The following ABCA9 variants were observed in gnomAD, a reference collection of about 807,000 sequenced individuals.
ABCA9 encodes ATP binding cassette subfamily A member 9.
A neutral mutation model predicts 205.3 loss-of-function variants in ABCA9; 183 were observed. The observed-to-expected ratio is 0.89, with a 90% CI of 0.79 to 1.01. ABCA9 has a LOEUF of 1.01. Ranked by LOEUF, ABCA9 falls within the 50% of genes least tolerant of loss-of-function variation. The pLI is 0.00. For missense variants in ABCA9, 1,805 were observed against 1,912.4 expected, an observed-to-expected ratio of 0.94 and a Z score of 1.05; for synonymous variants, 651 against 683.3, an observed-to-expected ratio of 0.95 and a Z score of 0.74.
chr17:69,027,761 A>T lies in ABCA9; in HGVS notation c.1670T>A (p.Ile557Asn). ...TLSRMADIEN[I>N]SKFTGFCPQS... ...TGGACAAAATCCAGTGAACTTGCTGATATTTTCTATATCAGCCATTCTTGA... is the reference window on the plus strand; with the variant it reads ...TGGACAAAATCCAGTGAACTTGCTGTTATTTTCTATATCAGCCATTCTTGA... The change falls in exon 13 of 39, where the codon ATC becomes AAC. Residue 557 changes from isoleucine to asparagine, a missense_variant. Transcript: ENST00000340001. 1.2e-6 allele frequency: 2 copies of T among 1,612,888 alleles called. No individual in the cohort carries two copies. The highest frequency in any genetic ancestry group is 1.1e-5 in the South Asian group (1 of 91,004).
At chr17:69,063,158 T>G (rs1297820569), upstream of ABCA9, among the ~76,000 whole-genome samples, 1 of 132,928 alleles carries the variant, frequency 7.5e-6, no homozygotes, top group Non-Finnish European at 1.8e-5. Flanking sequence ...ACAAATGCTA[T>G]GCTGTCTCAT....
chr17:69,066,529 C>T, the ABCA9 span, among the ~76,000 whole-genome samples: 18 of 150,622 alleles, frequency 1.2e-4, no homozygotes, highest in South Asian at 4.2e-4. Flanking sequence ...ACGCTGAACA[C>T]GCAGGAGAAA....
intron 25 of ABCA9, among the ~76,000 whole-genome samples, chr17:69,000,042 G>A (rs1378758568): frequency 1.3e-5 from 2 of 151,974 alleles, no homozygotes; most frequent in African/African-American, 4.8e-5. Context: ...TGTCAGATGA[G>A]TAGGTTGCGA....
chr17:69,045,390 C>T, intron 3 of ABCA9, 54 bp from the exon 4 acceptor site: 1 of 1,532,636 alleles, frequency 6.5e-7, no homozygotes, highest in Admixed American at 1.9e-5. Flanking sequence ...CTCTACCTGG[C>T]CATATTCAAT....
At chr17:68,985,757 G>C (rs1216919034) in intron 32 of ABCA9, among the ~76,000 whole-genome samples, 1 of 152,070 alleles carries the variant, frequency 6.6e-6, no homozygotes, top group Non-Finnish European at 1.5e-5. Context: ...GGTCTTGAAA[G>C]ACCAGCCTGG....
chr17:69,016,462 A>C, intron 21 of ABCA9, 72 bp from the exon 22 acceptor site: 1 of 1,361,058 alleles, frequency 7.3e-7, no homozygotes, highest in African/African-American at 1.5e-5. Context: ...AACATGTTAG[A>C]AAATCATTCA....
chr17:69,037,529 C>T (rs138490105), intron 6 of ABCA9, among the ~76,000 whole-genome samples: 2 of 152,094 alleles, frequency 1.3e-5, no homozygotes, highest in African/African-American at 4.8e-5. Context: ...AGAACAAAGA[C>T]ACAACATACC....
In ABCA9 at chr17:69,026,376, CCTTAAATGGTAGCCTATG is replaced by C; in HGVS notation, c.2124_2141del (p.Ile709_Ser714del). On this transcript the variant is annotated inframe_deletion and splice_region_variant, in exon 16 of 39. Transcript: ENST00000340001. ...CACGTCTCCAACATTCAGGGCTGTA[CCTTAAATGGTAGCCTATG>C]CCCCATTTCTTCTTAAGGAACAGAG... 6.2e-7 allele frequency: 1 copy of C among 1,612,356 alleles called. No homozygotes were observed. Among genetic ancestry groups the C allele is most frequent in the South Asian group, 1.1e-5 (1 of 90,986 alleles).
chr17:69,054,819 G>A (rs1490054753), intron 1 of ABCA9, among the ~76,000 whole-genome samples: 1 of 151,812 alleles, frequency 6.6e-6, no homozygotes, highest in Non-Finnish European at 1.5e-5. Context: ...GGAGGAATTG[G>A]GGTTATTTTG....
At position 69,012,079 on chromosome 17, in the gene ABCA9, T is replaced by C. The variant is rs2070400232; in HGVS notation, c.3044A>G (p.His1015Arg). 3 of 1,608,114 alleles carry C rather than the reference T, an allele frequency of 1.9e-6. No individual in the cohort carries two copies. The highest frequency in any genetic ancestry group is 2.7e-5 in the African/African-American group (2 of 74,678). ...TCGGTACCCATACTCATAATCCATA[T>C]GCTCCTGAAATCATGTGGAACATGG... is the stretch of plus-strand genomic sequence containing the variant. ...QTDRSTFFEE[H>R]MDYEYGYRSN... is the part of the protein sequence containing the mutation. Residue 1015 changes from histidine (H) to arginine (R), a missense_variant, in exon 23 of 39, where the codon CAT (histidine) becomes CGT (arginine). His to Arg is a conservative substitution (Grantham distance 29). Transcript: ENST00000340001.
Position 69,033,770 on chromosome 17 carries a change from A to G in ABCA9, c.1232T>C (p.Leu411Pro). Residue 411 changes from leucine (L) to proline (P), a missense_variant, in exon 9 of 39, where the codon CTT becomes CCT. By Grantham distance (98) the Leu-to-Pro change is moderately conservative (BLOSUM62 -3). Coordinates refer to ENST00000340001, the MANE Select transcript of ABCA9 (RefSeq NM_080283.4). The stretch of plus-strand genomic sequence containing the variant: ...ATATAATGTCAATACCAAATACAGA[A>G]GGGTGTCAAAAACCAACATGAAAAG... ...ATLFMLVFDT[L>P]LYLVLTLYFD... 1 of 1,612,630 alleles carries G rather than the reference A, an allele frequency of 6.2e-7. No individual in the cohort carries two copies. Among genetic ancestry groups the G allele is most frequent in the Non-Finnish European group, 8.5e-7 (1 of 1,179,126 alleles).
intron 13 of ABCA9, 70 bp downstream of exon 13, chr17:69,027,570 C>A (rs1567955565): frequency 1.3e-6 from 2 of 1,576,044 alleles, no homozygotes; most frequent in Admixed American, 1.9e-5. Context: ...TTATGTATAA[C>A]TTAGCACAAT....
intron 28 of ABCA9, among the ~76,000 whole-genome samples, chr17:68,991,263 C>G (rs1210803667): frequency 2.0e-5 from 3 of 152,212 alleles, no homozygotes; most frequent in African/African-American, 7.2e-5. Flanking sequence ...AGCAGAGTTG[C>G]ATGAGGAAAG....
intron 11 of ABCA9, 92 bp from the exon 12 acceptor site, chr17:69,028,737 T>C (rs1567956773): frequency 3.2e-6 from 2 of 621,098 alleles, no homozygotes; most frequent in Non-Finnish European, 5.3e-6. Flanking sequence ...CATGAATAGA[T>C]TGAGCTAGCA....
At chr17:69,000,608 G>A (rs1440709716) in intron 25 of ABCA9, among the ~76,000 whole-genome samples, 70 of 145,568 alleles carry the variant, frequency 4.8e-4, no homozygotes, top group African/African-American at 1.2e-3. Flanking sequence ...TTGGTGATGT[G>A]GGCTCTTTTT....
chr17:68,985,229 G>T, intron 32 of ABCA9, 101 bp from the exon 33 acceptor site: 2 of 1,407,354 alleles, frequency 1.4e-6, no homozygotes, highest in East Asian at 2.3e-5. Flanking sequence ...AGGTGTTTAT[G>T]AGTGGTCAGA....
chr17:69,026,347 T>C, intron 16 of ABCA9, 30 bp downstream of exon 16: 1 of 1,578,736 alleles, frequency 6.3e-7, no homozygotes, highest in Non-Finnish European at 8.7e-7. Flanking sequence ...TCAGCATCTG[T>C]CAACACGTCT....
At chr17:69,000,267 G>A (rs1252998667) in intron 25 of ABCA9, among the ~76,000 whole-genome samples, 550 of 151,570 alleles carry the variant, frequency 3.6e-3, no homozygotes, top group African/African-American at 0.013. Flanking sequence ...TAGGTCTAAC[G>A]TTTAAGTCTT....
chr17:69,037,749 A>C (rs2144407573), intron 6 of ABCA9, among the ~76,000 whole-genome samples: 1 of 152,098 alleles, frequency 6.6e-6, no homozygotes, highest in African/African-American at 2.4e-5. Context: ...GACATGAAAA[A>C]CCCTGCAAAA....
Sources: allele counts gnomAD v4.1 joint callset (sites outside exome capture counted in the v4.1 genomes callset), GRCh38; gene constraint gnomAD v4.1.1; transcripts MANE v1.5; gene names NCBI Gene and HGNC (gene_info 2026-07-23, HGNC 2026-07-21).